Variants in SSH2 observed in about 807,000 individuals in gnomAD.
The protein encoded by SSH2 is protein phosphatase Slingshot homolog 2.
A neutral mutation model predicts 135.2 loss-of-function variants in SSH2; 37 were observed. The observed-to-expected ratio is 0.27, with a 90% CI of 0.21 to 0.36. The LOEUF (loss-of-function observed/expected upper bound fraction) is 0.36, where lower values mean the gene tolerates loss of function less well. Ranked by LOEUF, SSH2 falls within the 10% of genes least tolerant of loss-of-function variation. SSH2 has a pLI of 1.00. For missense variants in SSH2, 1,408 were observed against 1,765.3 expected, an observed-to-expected ratio of 0.80 and a Z score of 3.63; for synonymous variants, 628 against 646.2, an observed-to-expected ratio of 0.97 and a Z score of 0.43.
chr17:29,650,445 A>T (rs1247785168), intron 13 of SSH2, among the ~76,000 whole-genome samples: 2 of 152,222 alleles, frequency 1.3e-5, no homozygotes, highest in Non-Finnish European at 2.9e-5. Context: ...GAAATAGCCA[A>T]CATGAGGTTA....
intron 15 of SSH2, among the ~76,000 whole-genome samples, chr17:29,634,635 C>T (rs562240368): frequency 6.6e-6 from 1 of 152,328 alleles, no homozygotes; most frequent in South Asian, 2.1e-4. Flanking sequence ...TCACTGCAAC[C>T]TCCACCTCCC....
chr17:29,788,043 A>T (rs2042000228), intron 3 of SSH2, among the ~76,000 whole-genome samples: 1 of 151,980 alleles, frequency 6.6e-6, no homozygotes, highest in African/African-American at 2.4e-5. Context: ...GCATCTTTTC[A>T]TATGCTTATT....
chr17:29,694,213 G>C (rs745633299), intron 5 of SSH2, among the ~76,000 whole-genome samples: 1 of 152,148 alleles, frequency 6.6e-6, no homozygotes, highest in African/African-American at 2.4e-5. Context: ...GGCTCAGATG[G>C]GAAATGTAAA....
chr17:29,636,937 C>A, intron 14 of SSH2, 135 bp from the exon 15 acceptor site: 1 of 648,770 alleles, frequency 1.5e-6, no homozygotes, highest in Non-Finnish European at 2.6e-6. Context: ...AGGCAATAAA[C>A]GTTTGAAAAG....
At chr17:29,904,174 C>T (rs1273975625) in intron 1 of SSH2, among the ~76,000 whole-genome samples, 2 of 152,112 alleles carry the variant, frequency 1.3e-5, no homozygotes, top group Non-Finnish European at 2.9e-5. Context: ...ATTCTGATAC[C>T]TAAACCTGGC....
intron 3 of SSH2, among the ~76,000 whole-genome samples, chr17:29,785,067 A>C (rs1440020522): frequency 6.6e-6 from 1 of 152,170 alleles, no homozygotes; most frequent in Non-Finnish European, 1.5e-5. Context: ...GATGGTGAGT[A>C]ATTTTTTATG....
intron 4 of SSH2, among the ~76,000 whole-genome samples, chr17:29,698,024 T>G (rs2038830123): frequency 6.6e-6 from 1 of 152,358 alleles, no homozygotes; most frequent in Admixed American, 6.5e-5. Flanking sequence ...AAAGGAATGA[T>G]GTACTGATAC....
At chr17:29,847,844 C>T (rs561300828) in intron 2 of SSH2, among the ~76,000 whole-genome samples, 1 of 152,330 alleles carries the variant, frequency 6.6e-6, no homozygotes, top group East Asian at 1.9e-4. Flanking sequence ...GAAGTTACTG[C>T]CCCTTTCCTA....
intron 2 of SSH2, among the ~76,000 whole-genome samples, chr17:29,819,134 G>A (rs1230810325): frequency 2.0e-5 from 3 of 152,008 alleles, no homozygotes; most frequent in African/African-American, 7.3e-5. Context: ...GCTGAGGCAG[G>A]AGAATCACTT....
At chr17:29,655,688 C>G in intron 11 of SSH2, 81 bp from the exon 12 acceptor site, 1 of 1,337,026 alleles carries the variant, frequency 7.5e-7, no homozygotes, top group East Asian at 2.3e-5. Context: ...AGAAGAAGAA[C>G]TTTCAAAAAG....
At chr17:29,670,302 T>A (rs1345623605) in intron 9 of SSH2, among the ~76,000 whole-genome samples, 1 of 152,300 alleles carries the variant, frequency 6.6e-6, no homozygotes, top group African/African-American at 2.4e-5. Context: ...CTGAAACCCA[T>A]CATCCAGCTG....
intron 2 of SSH2, among the ~76,000 whole-genome samples, chr17:29,829,759 T>C (rs528461968): frequency 6.6e-6 from 1 of 152,292 alleles, no homozygotes; most frequent in Non-Finnish European, 1.5e-5. Context: ...GCAAATATTT[T>C]TAAAAAATCT....
At chr17:29,700,048 T>C (rs1416768804) in intron 4 of SSH2, among the ~76,000 whole-genome samples, 2 of 152,162 alleles carry the variant, frequency 1.3e-5, no homozygotes, top group Non-Finnish European at 2.9e-5. Context: ...CCCAAACAAG[T>C]AGTAGGGCAG....
chr17:29,666,373 CAAAAAT>C, intron 11 of SSH2, among the ~76,000 whole-genome samples: 1 of 151,682 alleles, frequency 6.6e-6, no homozygotes, highest in Middle Eastern at 3.4e-3. Flanking sequence ...GACCCTGTTT[CAAAAAT>C]AAAAATAAAA....
intron 1 of SSH2, among the ~76,000 whole-genome samples, chr17:29,904,003 A>T (rs1361492954): frequency 2.0e-5 from 3 of 152,204 alleles, no homozygotes; most frequent in Non-Finnish European, 2.9e-5. Flanking sequence ...TTAAGGCAGT[A>T]ATAAATAGCC....
At chr17:29,732,216 A>G (rs1045293814) in intron 3 of SSH2, among the ~76,000 whole-genome samples, 2 of 152,236 alleles carry the variant, frequency 1.3e-5, no homozygotes, top group African/African-American at 4.8e-5. Flanking sequence ...CTTGGGGATA[A>G]AATATTTTCT....
At chr17:29,854,783 AC>A (rs2065632352) in intron 1 of SSH2, among the ~76,000 whole-genome samples, 2 of 152,094 alleles carry the variant, frequency 1.3e-5, no homozygotes, top group Non-Finnish European at 2.9e-5. Flanking sequence ...CCCCGTCTCT[AC>A]TAAAAATACA....
intron 1 of SSH2, among the ~76,000 whole-genome samples, chr17:29,927,152 T>C (rs1402637288): frequency 2.6e-5 from 4 of 152,190 alleles, no homozygotes; most frequent in African/African-American, 9.7e-5. Flanking sequence ...ACCCAAGAAA[T>C]GTTAGATATT....
intron 15 of SSH2, among the ~76,000 whole-genome samples, chr17:29,634,052 A>G (rs1421132930): frequency 6.6e-6 from 1 of 152,216 alleles, no homozygotes; most frequent in Non-Finnish European, 1.5e-5. Flanking sequence ...TCATATGACC[A>G]GGGACTTTGC....
Sources: gnomAD v4.1 joint callset for allele counts (sites outside exome capture counted in the v4.1 genomes callset) on GRCh38, gnomAD v4.1.1 for gene constraint, MANE v1.5 for transcripts, NCBI Gene and HGNC (gene_info 2026-07-23, HGNC 2026-07-21) for gene names.